The following TMEM260 variants were observed in gnomAD, a reference collection of about 807,000 sequenced individuals.
TMEM260 encodes protein O-mannosyl-transferase TMEM260.
A neutral mutation model predicts 88.9 loss-of-function variants in TMEM260; 82 were observed. The ratio of observed to expected loss-of-function variants is 0.92; its 90% CI spans 0.77 to 1.11. The LOEUF (loss-of-function observed/expected upper bound fraction) is 1.11, where lower values mean the gene tolerates loss of function less well. Among genes scored for constraint, TMEM260 ranks in the 50% least tolerant of loss-of-function variants. TMEM260 has a pLI of 0.00. For synonymous variants in TMEM260, 314 were observed against 309.3 expected (o/e 1.02, Z -0.16); for missense variants, 902 against 853.4 (o/e 1.06, Z -0.71).
At position 56,625,417 on chromosome 14, in the gene TMEM260, A is replaced by C; in HGVS notation, c.1434A>C (p.Ala478=). The change falls in exon 12 of 16, where the codon GCA becomes GCC. Residue 478 remains alanine, a synonymous_variant. Transcript: ENST00000261556. ...MTYEWYLPKM[A]KHLPGVNFPG... The stretch of plus-strand genomic sequence containing the variant: ...ACGAGTGGTATTTACCCAAGATGGC[A>C]AAGCACTTGCCAGGTGTCAACTTTC... 1 of 1,614,024 alleles carries C rather than the reference A, an allele frequency of 6.2e-7. No individual in the cohort carries two copies. Among genetic ancestry groups the C allele is most frequent in the Non-Finnish European group, 8.5e-7 (1 of 1,179,990 alleles).
At chr14:56,639,243 C>A (rs1594893151) in intron 15 of TMEM260, among the ~76,000 whole-genome samples, 1 of 138,714 alleles carries the variant, frequency 7.2e-6, no homozygotes, top group East Asian at 2.4e-4. Flanking sequence ...AACAGGGTAA[C>A]TACAGCCAAC....
At chr14:56,593,844 C>T (rs1004395943) in intron 3 of TMEM260, among the ~76,000 whole-genome samples, 4 of 150,824 alleles carry the variant, frequency 2.7e-5, no homozygotes, top group African/African-American at 4.9e-5. Flanking sequence ...CCCGCCACCG[C>T]GCCCGGCTAA....
intron 5 of TMEM260, among the ~76,000 whole-genome samples, chr14:56,607,646 A>C (rs1022368985): frequency 6.6e-6 from 1 of 152,194 alleles, no homozygotes; most frequent in Non-Finnish European, 1.5e-5. Flanking sequence ...GTACATGTGT[A>C]TATAGTAATG....
chr14:56,612,657 A>T (rs1887354110), intron 7 of TMEM260: 1 of 176,128 alleles, frequency 5.7e-6, no homozygotes. Flanking sequence ...TATGACAAGA[A>T]AAAACATCTG....
downstream of TMEM260, among the ~76,000 whole-genome samples, chr14:56,654,187 C>T (rs1890259578): frequency 6.6e-6 from 1 of 152,126 alleles, no homozygotes; most frequent in Admixed American, 6.6e-5. Context: ...TGGCTTTTGA[C>T]TGAAAATTTT....
At chr14:56,656,156 C>T in the TMEM260 span, among the ~76,000 whole-genome samples, 1 of 152,148 alleles carries the variant, frequency 6.6e-6, no homozygotes, top group Non-Finnish European at 1.5e-5. Flanking sequence ...GTGATTCACA[C>T]CTGTAATCTC....
At position 56,585,784 on chromosome 14, in the gene TMEM260, T is replaced by A. The variant is rs1215456813; in HGVS notation, c.216T>A (p.Pro72=). Residue 72 remains proline, a synonymous_variant, in exon 3 of 16, where the codon CCT becomes CCA. Transcript: ENST00000261556. ...AGGTTGCCCATCCTCCTGGCTATCC[T>A]TTGTTCACGCTGGTGGCTAAACTGG... ...ELGVAHPPGY[P]LFTLVAKLAI... 1 of 1,613,088 alleles carries A rather than the reference T, an allele frequency of 6.2e-7. No homozygotes were observed.
chr14:56,657,160 G>T, the TMEM260 span, among the ~76,000 whole-genome samples: 1 of 152,142 alleles, frequency 6.6e-6, no homozygotes, highest in Non-Finnish European at 1.5e-5. Context: ...GACTGGCGTA[G>T]GTCAGAAAGC....
At chr14:56,626,811 G>A (rs898023275) in intron 12 of TMEM260, among the ~76,000 whole-genome samples, 2 of 152,104 alleles carry the variant, frequency 1.3e-5, no homozygotes, top group East Asian at 1.9e-4. Context: ...TAAACAACAC[G>A]GAAAAGTGTG....
rs566614650 is a variant in TMEM260 at position 56,595,625 on chromosome 14, A to G, written c.345-8190A>G. On this transcript the variant is annotated intron_variant, in intron 3 of 15. Transcript: ENST00000261556. ...CTCCCACAGACCTGGGACTACAGGCATGTGCACCACGCCCAGCTAATTTTT... is the reference window on the plus strand; with the variant it reads ...CTCCCACAGACCTGGGACTACAGGCGTGTGCACCACGCCCAGCTAATTTTT... Among the ~76,000 whole-genome samples the G allele has an allele frequency of 3.3e-5, 5 of 152,150 alleles. No individual in the cohort carries two copies. In the East Asian group the frequency reaches 7.7e-4, roughly 24 times the overall value.
chr14:56,588,278 C>G (rs1260927184), intron 3 of TMEM260, among the ~76,000 whole-genome samples: 1 of 151,980 alleles, frequency 6.6e-6, no homozygotes, highest in Non-Finnish European at 1.5e-5. Flanking sequence ...ATTCTTTTAA[C>G]AGGTTTAGGT....
intron 3 of TMEM260, among the ~76,000 whole-genome samples, chr14:56,591,392 G>A (rs55767605): frequency 1.3e-5 from 2 of 152,320 alleles, no homozygotes; most frequent in African/African-American, 4.8e-5. Flanking sequence ...TATTGCTGAT[G>A]AAAGTAGTTT....
At chr14:56,579,678 G>A (rs1213401408), upstream of TMEM260, 2 of 394,112 alleles carry the variant, frequency 5.1e-6, no homozygotes, top group African/African-American at 2.1e-5. Context: ...TTATAAGTAG[G>A]TGAACGCCAA....
At chr14:56,652,341 T>C (rs914801724), downstream of TMEM260, among the ~76,000 whole-genome samples, 5 of 151,646 alleles carry the variant, frequency 3.3e-5, no homozygotes, top group African/African-American at 9.7e-5. Flanking sequence ...ACAAAAGAAA[T>C]ACAAAAATTA....
Position 56,618,611 on chromosome 14 carries a change from G to A in TMEM260, c.1074G>A (p.Met358Ile), listed in dbSNP as rs1261862338. 6.2e-7 allele frequency: 1 copy of A among 1,614,088 alleles called. No individual in the cohort carries two copies. The highest frequency in any genetic ancestry group is 8.5e-7 in the Non-Finnish European group (1 of 1,180,014). Residue 358 changes from methionine (M) to isoleucine (I), a missense_variant, in exon 10 of 16, where the codon ATG (methionine) becomes ATA (isoleucine). By Grantham distance (10) the Met-to-Ile change is conservative (BLOSUM62 1). Transcript: ENST00000261556. The stretch of plus-strand genomic sequence containing the variant: ...TTTCACAGGTGGAACGATTCTGGAT[G>A]CAGAGCAATGCAGTAGTGGCCGTCC... ...LFMGVVERFW[M>I]QSNAVVAVLA... is the part of the protein sequence containing the mutation.
chr14:56,637,725 G>A (rs983568829), intron 15 of TMEM260, among the ~76,000 whole-genome samples: 2 of 152,314 alleles, frequency 1.3e-5, no homozygotes, highest in African/African-American at 4.8e-5. Context: ...TGTCCAATCA[G>A]TATGACTACT....
rs10601913 is a variant in TMEM260, at chr14:56,634,842, CAAAA to C, written c.1725-45_1725-42del. On this transcript the variant is annotated intron_variant, in intron 13 of 15. Coordinates refer to ENST00000261556, the MANE Select transcript of TMEM260 (RefSeq NM_017799.4). ...GGGCAGCAAGAGCAAAATTCTGTCT[CAAAA>C]AAAAAAAAAAAGTGGGTGACAGAAA... The C allele has an allele frequency of 4.4e-4, 590 of 1,334,902 alleles. No homozygotes were observed. The African/African-American group carries it at 7.5e-3, about 17-fold the overall frequency. 82.7% of individuals were successfully genotyped at this position (1,334,902 alleles called of 1,614,324 possible).
chr14:56,635,388 G>A (rs1047075235), intron 14 of TMEM260, among the ~76,000 whole-genome samples: 6 of 152,158 alleles, frequency 3.9e-5, no homozygotes, highest in African/African-American at 1.4e-4. Flanking sequence ...CCAGGCACTG[G>A]GCTAGGCATT....
At chr14:56,642,863 C>G (rs902054829) in intron 15 of TMEM260, among the ~76,000 whole-genome samples, 1 of 152,196 alleles carries the variant, frequency 6.6e-6, no homozygotes, top group Non-Finnish European at 1.5e-5. Flanking sequence ...AAACTACCAT[C>G]AGAGACTACT....
Sources: gnomAD v4.1 joint callset for allele counts (sites outside exome capture counted in the v4.1 genomes callset) on GRCh38, gnomAD v4.1.1 for gene constraint, MANE v1.5 for transcripts, NCBI Gene and HGNC (gene_info 2026-07-23, HGNC 2026-07-21) for gene names.